The following ABTB3 variants were observed in gnomAD, a reference collection of about 807,000 sequenced individuals.
ABTB3 encodes ankyrin repeat- and BTB/POZ domain-containing protein 3.
At chr12:107,625,040 A>C in the ABTB3 span, among the ~76,000 whole-genome samples, 3 of 152,314 alleles carry the variant, frequency 2.0e-5, no homozygotes, top group African/African-American at 7.2e-5. Flanking sequence ...GTATGTAGTG[A>C]TATCTCATTG....
chr12:107,409,089 C>A, the ABTB3 span, among the ~76,000 whole-genome samples: 1 of 152,190 alleles, frequency 6.6e-6, no homozygotes, highest in Non-Finnish European at 1.5e-5. Flanking sequence ...CCCTCTCCGT[C>A]CCCCTCACCT....
chr12:107,641,438 T>C, the ABTB3 span, among the ~76,000 whole-genome samples: 1 of 152,174 alleles, frequency 6.6e-6, no homozygotes, highest in Non-Finnish European at 1.5e-5. Flanking sequence ...TTTCAAAAAA[T>C]AAGTTTAAAA....
At chr12:107,559,682 T>C in the ABTB3 span, among the ~76,000 whole-genome samples, 1 of 152,232 alleles carries the variant, frequency 6.6e-6, no homozygotes, top group African/African-American at 2.4e-5. Context: ...GTAGACATGG[T>C]ATCTGAGTTG....
chr12:107,604,528 GCTAA>G, the ABTB3 span, among the ~76,000 whole-genome samples: 420 of 152,224 alleles, frequency 2.8e-3, 2 homozygotes, highest in Non-Finnish European at 4.2e-3. Flanking sequence ...GCTCAATATC[GCTAA>G]CTGTCAGGGA....
chr12:107,641,685 T>C, the ABTB3 span, among the ~76,000 whole-genome samples: 28 of 152,302 alleles, frequency 1.8e-4, no homozygotes, highest in Non-Finnish European at 3.4e-4. Flanking sequence ...CAGAAACCAC[T>C]GAAGTCCCTG....
chr12:107,550,048 A>C, the ABTB3 span, among the ~76,000 whole-genome samples: 1 of 152,178 alleles, frequency 6.6e-6, no homozygotes, highest in Non-Finnish European at 1.5e-5. Context: ...CACTGAAAGA[A>C]TATCTGATAC....
chr12:107,355,235 G>A, the ABTB3 span, among the ~76,000 whole-genome samples: 19 of 152,332 alleles, frequency 1.2e-4, no homozygotes, highest in East Asian at 2.5e-3. Context: ...TGGGCTCACC[G>A]TCTATGAGCT....
the ABTB3 span, among the ~76,000 whole-genome samples, chr12:107,414,507 T>C: frequency 2.0e-5 from 3 of 152,112 alleles, no homozygotes; most frequent in Admixed American, 6.6e-5. Context: ...ATTAAAGACA[T>C]AGTATTGGCA....
At chr12:107,322,228 G>A in the ABTB3 span, among the ~76,000 whole-genome samples, 5 of 152,182 alleles carry the variant, frequency 3.3e-5, no homozygotes, top group African/African-American at 1.2e-4. Context: ...GGCAGGGTGA[G>A]TGTGTGACGG....
chr12:107,513,662 T>C, the ABTB3 span, among the ~76,000 whole-genome samples: 1 of 152,056 alleles, frequency 6.6e-6, no homozygotes. Context: ...TAATATAGCA[T>C]CCCTGTCCCC....
At chr12:107,385,800 C>G in the ABTB3 span, among the ~76,000 whole-genome samples, 1 of 152,212 alleles carries the variant, frequency 6.6e-6, no homozygotes, top group African/African-American at 2.4e-5. Flanking sequence ...CGTTCTCTGG[C>G]ATTTCCTGCT....
chr12:107,519,362 G>A, the ABTB3 span, among the ~76,000 whole-genome samples: 1 of 127,440 alleles, frequency 7.8e-6, no homozygotes, highest in African/African-American at 3.0e-5. Context: ...TTGCTCTGTT[G>A]CCTAGGCTGG....
chr12:107,386,890 A>AGTGTGTGTGTGTGTGTGT, the ABTB3 span, among the ~76,000 whole-genome samples: 1 of 143,262 alleles, frequency 7.0e-6, no homozygotes, highest in Non-Finnish European at 1.5e-5. Context: ...GGAAATGGAA[A>AGTGTGTGTGTGTGTGTGT]GTGTGTGTGT....
chr12:107,477,213 A>G, the ABTB3 span, among the ~76,000 whole-genome samples: 3 of 152,308 alleles, frequency 2.0e-5, no homozygotes, highest in Non-Finnish European at 2.9e-5. Flanking sequence ...AGTAAGGTCA[A>G]GGGGGTCTGT....
the ABTB3 span, among the ~76,000 whole-genome samples, chr12:107,561,054 C>T: frequency 1.3e-5 from 2 of 152,158 alleles, no homozygotes; most frequent in East Asian, 1.9e-4. Context: ...AGTGTGCTGG[C>T]GGAAGAAGGT....
chr12:107,485,102 T>C, the ABTB3 span, among the ~76,000 whole-genome samples: 1 of 152,142 alleles, frequency 6.6e-6, no homozygotes, highest in Non-Finnish European at 1.5e-5. Flanking sequence ...TATCTACCCA[T>C]TTTAGAGATG....
the ABTB3 span, among the ~76,000 whole-genome samples, chr12:107,359,061 T>C: frequency 6.6e-6 from 1 of 152,170 alleles, no homozygotes; most frequent in Non-Finnish European, 1.5e-5. Flanking sequence ...ACAGAAGGGG[T>C]GTCAGAGTTG....
chr12:107,333,088 C>A, the ABTB3 span, among the ~76,000 whole-genome samples: 1 of 152,168 alleles, frequency 6.6e-6, no homozygotes, highest in African/African-American at 2.4e-5. Flanking sequence ...TGCAAAGGGT[C>A]TCTCCCACCC....
chr12:107,478,738 T>C, the ABTB3 span, among the ~76,000 whole-genome samples: 1,443 of 152,048 alleles, frequency 9.5e-3, 33 homozygotes, highest in African/African-American at 0.033. Flanking sequence ...CCCCTCTCAT[T>C]TCACCCCTTG....
Sources: gnomAD v4.1 joint callset for allele counts (sites outside exome capture counted in the v4.1 genomes callset) on GRCh38, gnomAD v4.1.1 for gene constraint, MANE v1.5 for transcripts, NCBI Gene and HGNC (gene_info 2026-07-23, HGNC 2026-07-21) for gene names.